FARP1: variants seen among roughly 807,000 people sequenced by gnomAD.
FARP1 encodes the protein FERM, ARHGEF and pleckstrin domain-containing protein 1.
Under a neutral mutation model 128.8 loss-of-function variants are expected in FARP1, and 52 were observed. The ratio of observed to expected loss-of-function variants is 0.40; its 90% CI spans 0.32 to 0.51. The LOEUF (loss-of-function observed/expected upper bound fraction) is 0.51, where lower values mean the gene tolerates loss of function less well. Among genes scored for constraint, FARP1 ranks in the 20% least tolerant of loss-of-function variants. The probability of loss-of-function intolerance (pLI) is 0.45; values close to 1 mark genes in which losing one functional copy is unlikely to be tolerated. For missense variants in FARP1, 1,333 were observed against 1,367.9 expected (o/e 0.97, Z 0.40); for synonymous variants, 580 against 551.8 (o/e 1.05, Z -0.72).
At chr13:98,353,631 G>A (rs539984595) in intron 3 of FARP1, among the ~76,000 whole-genome samples, 1 of 152,282 alleles carries the variant, frequency 6.6e-6, no homozygotes, top group Non-Finnish European at 1.5e-5. Flanking sequence ...ACCTGCCTCG[G>A]CCTCCCAAAG....
chr13:98,429,290 G>A (rs1167153331), intron 17 of FARP1, among the ~76,000 whole-genome samples: 2 of 152,218 alleles, frequency 1.3e-5, no homozygotes, highest in Non-Finnish European at 2.9e-5. Context: ...GAGTCTCTGG[G>A]TGCGAGAGTG....
At chr13:98,147,241 T>C (rs889335827) in intron 1 of FARP1, among the ~76,000 whole-genome samples, 9 of 152,216 alleles carry the variant, frequency 5.9e-5, no homozygotes, top group African/African-American at 1.9e-4. Flanking sequence ...CTCGAAGCTT[T>C]TGATACTAAT....
intron 2 of FARP1, among the ~76,000 whole-genome samples, chr13:98,313,095 C>A (rs1223447757): frequency 6.8e-6 from 1 of 146,776 alleles, no homozygotes; most frequent in East Asian, 2.0e-4. Context: ...ACTCTGGAAT[C>A]GGGTGGGTCA....
chr13:98,350,165 G>A (rs1888354781), intron 3 of FARP1, among the ~76,000 whole-genome samples: 1 of 152,124 alleles, frequency 6.6e-6, no homozygotes, highest in Non-Finnish European at 1.5e-5. Flanking sequence ...TGTGTTGACA[G>A]GCAGGTCCCC....
chr13:98,362,061 C>G (rs1888896073), intron 3 of FARP1, among the ~76,000 whole-genome samples: 1 of 152,122 alleles, frequency 6.6e-6, no homozygotes. Flanking sequence ...CCCAGGATTT[C>G]GAGACCAGCC....
At chr13:98,222,835 A>T (rs1405628732) in intron 2 of FARP1, among the ~76,000 whole-genome samples, 1 of 129,650 alleles carries the variant, frequency 7.7e-6, no homozygotes, top group East Asian at 2.1e-4. Context: ...ATGGGGTTTC[A>T]CCATGTTGGC....
chr13:98,266,219 A>G (rs1265833792), intron 2 of FARP1, among the ~76,000 whole-genome samples: 2 of 152,178 alleles, frequency 1.3e-5, no homozygotes, highest in African/African-American at 2.4e-5. Flanking sequence ...TCCAGCTCAC[A>G]TTGGCAGCGA....
At position 98,450,031 on chromosome 13, in the gene FARP1, A is replaced by T. The variant is rs1893111636; in HGVS notation, c.*1714A>T. On this transcript the variant is annotated 3_prime_UTR_variant, in exon 27 of 27. Transcript: ENST00000319562. ...GACAAGGCAGTCTCCTCAGCTATTTATTTCTGAATGATTGATTGATTCCAA... is the reference window on the plus strand; with the variant it reads ...GACAAGGCAGTCTCCTCAGCTATTTTTTTCTGAATGATTGATTGATTCCAA... 7.4e-6 allele frequency: 1 copy of T among 134,538 alleles called. No individual in the cohort carries two copies. Among genetic ancestry groups the T allele is most frequent in the Non-Finnish European group, 1.7e-5 (1 of 59,350 alleles). 8.3% of individuals were successfully genotyped at this position (134,538 alleles called of 1,614,324 possible). A position where few individuals can be genotyped will look rare whatever the true frequency, so the allele number is the denominator to read the frequency against.
chr13:98,346,981 G>A (rs1317398320), intron 3 of FARP1, among the ~76,000 whole-genome samples: 2 of 152,172 alleles, frequency 1.3e-5, no homozygotes, highest in Admixed American at 6.5e-5. Flanking sequence ...GTTCCAAAAT[G>A]CAATGAAAGC....
intron 2 of FARP1, among the ~76,000 whole-genome samples, chr13:98,277,568 G>A (rs1884719761): frequency 1.3e-5 from 2 of 152,200 alleles, no homozygotes; most frequent in South Asian, 4.1e-4. Context: ...CTCTGAGGAG[G>A]TATGGGTGGT....
intron 2 of FARP1, among the ~76,000 whole-genome samples, chr13:98,232,145 G>GTTTTTTTTTTTTGTTTTTT (rs1882159682): frequency 9.5e-6 from 1 of 105,790 alleles, no homozygotes; most frequent in Non-Finnish European, 1.9e-5. Flanking sequence ...TGTTTGGTTG[G>GTTTTTTTTTTTTGTTTTTT]TTTTTTTTTT....
chr13:98,370,592 T>TG (rs906629670), intron 5 of FARP1, among the ~76,000 whole-genome samples: 1 of 128,682 alleles, frequency 7.8e-6, no homozygotes, highest in Non-Finnish European at 1.6e-5. Flanking sequence ...GAGATGGTGT[T>TG]GGGGGTTACT....
intron 13 of FARP1, chr13:98,405,873 T>C (rs1890952264): frequency 6.6e-6 from 1 of 152,220 alleles, no homozygotes; most frequent in East Asian, 1.9e-4. Flanking sequence ...CAGTCACAGT[T>C]TCCTCTCCCC....
At chr13:98,251,449 G>A (rs1883317908) in intron 2 of FARP1, among the ~76,000 whole-genome samples, 1 of 152,190 alleles carries the variant, frequency 6.6e-6, no homozygotes, top group African/African-American at 2.4e-5. Context: ...TTGGGAGGCT[G>A]AGGCGGGTGG....
intron 2 of FARP1, among the ~76,000 whole-genome samples, chr13:98,290,146 T>G (rs1348423554): frequency 6.6e-6 from 1 of 151,554 alleles, no homozygotes; most frequent in Non-Finnish European, 1.5e-5. Flanking sequence ...TTCTGGGGGA[T>G]TTCCCCCTTG....
chr13:98,170,647 C>T (rs567689517), intron 1 of FARP1, among the ~76,000 whole-genome samples: 2 of 152,080 alleles, frequency 1.3e-5, no homozygotes, highest in East Asian at 3.9e-4. Flanking sequence ...TGAGCCACCG[C>T]ACCTGGTCTA....
rs573211255 is a variant in FARP1, at chr13:98,379,403, G to C, written c.496+1485G>C. On this transcript the variant is annotated intron_variant, in intron 6 of 26. Transcript: ENST00000319562. ...CTCCCCTCTTCATAAAATGATAGTGGAGAGGGAGAGGAGGGAGAGGAGGCT... is the reference window on the plus strand; with the variant it reads ...CTCCCCTCTTCATAAAATGATAGTGCAGAGGGAGAGGAGGGAGAGGAGGCT... Among the ~76,000 whole-genome samples, 687 of 151,176 alleles carry C rather than the reference G, an allele frequency of 4.5e-3. 7 individuals carry two copies. Among genetic ancestry groups the C allele is most frequent in the Middle Eastern group, 0.01 (3 of 294 alleles).
chr13:98,354,179 C>T lies in FARP1; in HGVS notation c.276+10313C>T, dbSNP rs1039453754. ...ACTCCTACTTAATGAGTTCAGTACA[C>T]AAGTGCATAGGGATAGCCTGTACTA... On this transcript the variant is annotated intron_variant, in intron 3 of 26. Coordinates refer to ENST00000319562, the MANE Select transcript of FARP1 (RefSeq NM_005766.4). 3.9e-5 allele frequency among the ~76,000 whole-genome samples: 6 copies of T among 152,206 alleles called. No individual in the cohort carries two copies. The South Asian group carries it at 6.2e-4, about 16-fold the overall frequency.
chr13:98,265,475 A>G lies in FARP1; in HGVS notation c.171+52062A>G, dbSNP rs528813563. On this transcript the variant is annotated intron_variant, in intron 2 of 26. Transcript: ENST00000319562. ...GCTGGGACTACAGGCGCCCGCCACT[A>G]CGCCCGGCTAATTTTTTGTATTTTT... Among the ~76,000 whole-genome samples the G allele has an allele frequency of 1.2e-3, 187 of 150,172 alleles. 1 individual carries two copies. Among genetic ancestry groups the G allele is most frequent in the African/African-American group, 4.4e-3 (178 of 40,736 alleles).
Sources: gnomAD v4.1 joint callset for allele counts (sites outside exome capture counted in the v4.1 genomes callset) on GRCh38, gnomAD v4.1.1 for gene constraint, MANE v1.5 for transcripts, NCBI Gene and HGNC (gene_info 2026-07-23, HGNC 2026-07-21) for gene names.